EBF2: variants seen among roughly 807,000 people sequenced by gnomAD.
EBF2 encodes transcription factor COE2.
In EBF2, 21 loss-of-function variants were observed where a neutral mutation model predicts 72.8. The ratio of observed to expected loss-of-function variants is 0.29; its 90% CI spans 0.20 to 0.42. The LOEUF (loss-of-function observed/expected upper bound fraction) is 0.42. Among genes scored for constraint, EBF2 ranks in the 10% least tolerant of loss-of-function variants. The probability of loss-of-function intolerance (pLI) is 1.00; values close to 1 mark genes in which losing one functional copy is unlikely to be tolerated. For missense variants in EBF2, 637 were observed against 731.2 expected (o/e 0.87, Z 1.49); for synonymous variants, 299 against 274.2 (o/e 1.09, Z -0.89).
At chr8:25,996,633 A>C (rs924387951) in intron 6 of EBF2, among the ~76,000 whole-genome samples, 1 of 152,156 alleles carries the variant, frequency 6.6e-6, no homozygotes, top group African/African-American at 2.4e-5. Context: ...CTAAGAATTA[A>C]ATCAAAGAAA....
At chr8:25,906,954 T>C (rs1278720934) in intron 7 of EBF2, among the ~76,000 whole-genome samples, 2 of 152,140 alleles carry the variant, frequency 1.3e-5, no homozygotes, top group African/African-American at 4.8e-5. Context: ...TAGTTTTTTT[T>C]TCAAAGTAAC....
chr8:25,986,125 T>C (rs1804452355), intron 6 of EBF2, among the ~76,000 whole-genome samples: 1 of 151,548 alleles, frequency 6.6e-6, no homozygotes, highest in Admixed American at 6.6e-5. Flanking sequence ...GTTGAGCAAC[T>C]ATTATATGCT....
rs998061399 is a variant in EBF2 at position 26,044,644 on chromosome 8, C to G, written c.131+85G>C. ...ATGGGGGGACAGGGAGAGAGAAAGG[C>G]ACGGGGTGCGCGGGGGGGGTGCACA... On this transcript the variant is annotated intron_variant, in intron 1 of 15. Coordinates refer to ENST00000520164, the MANE Select transcript of EBF2 (RefSeq NM_022659.4). The surrounding 1 kb of genome is among the most constrained non-coding windows in gnomAD (Gnocchi z 4.1). 1 of 1,526,898 alleles carries G rather than the reference C, an allele frequency of 6.5e-7. No individual in the cohort carries two copies. Among genetic ancestry groups the G allele is most frequent in the Non-Finnish European group, 8.8e-7 (1 of 1,134,728 alleles). 94.6% of individuals were successfully genotyped at this position (1,526,898 alleles called of 1,614,324 possible).
chr8:25,865,786 G>A (rs1000285942), intron 10 of EBF2, among the ~76,000 whole-genome samples: 2 of 151,336 alleles, frequency 1.3e-5, no homozygotes, highest in Admixed American at 6.6e-5. Flanking sequence ...AGCACTTTGG[G>A]AGGCTGAGGC....
At chr8:25,993,368 G>A (rs1804575509) in intron 6 of EBF2, among the ~76,000 whole-genome samples, 1 of 152,180 alleles carries the variant, frequency 6.6e-6, no homozygotes, top group Non-Finnish European at 1.5e-5. Context: ...TCTGCTAACA[G>A]CCCCTATGCA....
In EBF2 at chr8:26,043,908, G is replaced by A. The variant is rs1007465763; in HGVS notation, c.131+821C>T. 9.2e-5 allele frequency among the ~76,000 whole-genome samples: 14 copies of A among 152,222 alleles called. 1 individual carries two copies. Among genetic ancestry groups the A allele is most frequent in the Admixed American group, 7.2e-4 (11 of 15,286 alleles). ...AATGTCTTCGTAGGGTGGCACCCCG[G>A]ACATGGTATTTACTATCCCAGCACG... On this transcript the variant is annotated intron_variant, in intron 1 of 15. Transcript: ENST00000520164.
At chr8:25,949,336 G>C (rs1803820558) in intron 6 of EBF2, among the ~76,000 whole-genome samples, 1 of 152,082 alleles carries the variant, frequency 6.6e-6, no homozygotes, top group Non-Finnish European at 1.5e-5. Flanking sequence ...GTTACTAAAA[G>C]TACCCCCATA....
intron 8 of EBF2, 34 bp downstream of exon 8, chr8:25,889,718 A>T: frequency 1.3e-6 from 2 of 1,517,894 alleles, no homozygotes; most frequent in Non-Finnish European, 1.8e-6. Context: ...GGAGAATTTC[A>T]TGTGTCTGCT....
At chr8:26,018,990 C>T (rs1805160834) in intron 6 of EBF2, among the ~76,000 whole-genome samples, 1 of 148,190 alleles carries the variant, frequency 6.7e-6, no homozygotes, top group Non-Finnish European at 1.5e-5. Context: ...AGGTATTAGG[C>T]ATCCTCTCAC....
At chr8:26,038,528 T>G (rs1409121631) in intron 5 of EBF2, among the ~76,000 whole-genome samples, 1 of 152,212 alleles carries the variant, frequency 6.6e-6, no homozygotes, top group East Asian at 1.9e-4. Flanking sequence ...TTTGTTTTCT[T>G]TCCTTTTCAG....
intron 1 of EBF2, among the ~76,000 whole-genome samples, chr8:26,042,715 C>A (rs1206515905): frequency 6.6e-6 from 1 of 152,166 alleles, no homozygotes; most frequent in Non-Finnish European, 1.5e-5. Flanking sequence ...TTGGAAGAAG[C>A]GACCCTTTTA....
chr8:25,936,336 C>T (rs1395041641), intron 6 of EBF2, among the ~76,000 whole-genome samples: 2 of 152,284 alleles, frequency 1.3e-5, no homozygotes, highest in Admixed American at 1.3e-4. Context: ...TGCTCCAGGA[C>T]GTGGGCTGCA....
At chr8:25,885,979 T>C (rs935496764) in intron 10 of EBF2, among the ~76,000 whole-genome samples, 5 of 152,160 alleles carry the variant, frequency 3.3e-5, no homozygotes, top group Non-Finnish European at 1.5e-5. Context: ...CACCTCACCC[T>C]GTGGCCTTTG....
At chr8:25,933,286 G>A (rs1175783343) in intron 6 of EBF2, among the ~76,000 whole-genome samples, 1 of 152,208 alleles carries the variant, frequency 6.6e-6, no homozygotes, top group Non-Finnish European at 1.5e-5. Flanking sequence ...CTGAGCTGTT[G>A]ATGGTATTTT....
At chr8:25,864,799 A>ATT (rs568818867) in intron 10 of EBF2, among the ~76,000 whole-genome samples, 80 of 138,046 alleles carry the variant, frequency 5.8e-4, no homozygotes, top group East Asian at 3.0e-3. Context: ...TTTCTCAACT[A>ATT]TTTTTTTTTT....
Position 26,005,553 on chromosome 8 carries a change from T to G in EBF2, c.551+27532A>C, listed in dbSNP as rs1258748265. Among the ~76,000 whole-genome samples the G allele has an allele frequency of 3.6e-4, 9 of 25,164 alleles. 1 individual carries two copies. Among genetic ancestry groups the G allele is most frequent in the African/African-American group, 6.7e-4 (3 of 4,486 alleles). The allele number at this position is 25,164 out of a possible 152,430, so 16.5% of individuals were successfully genotyped here. On this transcript the variant is annotated intron_variant, in intron 6 of 15. Coordinates refer to ENST00000520164, the MANE Select transcript of EBF2 (RefSeq NM_022659.4). ...ATATTATATATATTTTATATATATA[T>G]ATATATATAGAGAGAGAGAGAGAGA...
At chr8:25,972,593 A>G (rs998036709) in intron 6 of EBF2, among the ~76,000 whole-genome samples, 1 of 152,204 alleles carries the variant, frequency 6.6e-6, no homozygotes. Flanking sequence ...TTAAGAGACT[A>G]TGGAAACCCC....
intron 6 of EBF2, among the ~76,000 whole-genome samples, chr8:25,984,651 C>A (rs1052021765): frequency 1.1e-4 from 17 of 151,644 alleles, no homozygotes; most frequent in Admixed American, 2.6e-4. Context: ...CACTGCACTC[C>A]AGCCTGGGCG....
At chr8:25,933,916 T>A (rs746859644) in intron 6 of EBF2, among the ~76,000 whole-genome samples, 3 of 152,202 alleles carry the variant, frequency 2.0e-5, no homozygotes, top group Non-Finnish European at 4.4e-5. Context: ...TCATTTTATT[T>A]GTCCATATTT....
Sources: allele counts gnomAD v4.1 joint callset (sites outside exome capture counted in the v4.1 genomes callset), GRCh38; gene constraint gnomAD v4.1.1; non-coding constraint Gnocchi (gnomAD v3.1); transcripts MANE v1.5; gene names NCBI Gene and HGNC (gene_info 2026-07-23, HGNC 2026-07-21).